The following TRPV3 variants were observed in gnomAD, a reference collection of about 807,000 sequenced individuals.
TRPV3 encodes transient receptor potential cation channel subfamily V member 3.
TRPV3 carries 88 observed loss-of-function variants against 87.1 expected under a neutral mutation model. The observed-to-expected ratio is 1.01, with a 90% CI of 0.85 to 1.21. The LOEUF (loss-of-function observed/expected upper bound fraction) is 1.21. Ranked by LOEUF, TRPV3 falls within the 50% of genes most tolerant of loss-of-function variation. The probability of loss-of-function intolerance (pLI) is 0.00; values close to 1 mark genes in which losing one functional copy is unlikely to be tolerated. For missense variants in TRPV3, 1,054 were observed against 1,030.1 expected (o/e 1.02, Z -0.32); for synonymous variants, 438 against 423.3 (o/e 1.03, Z -0.43).
rs573360881 is a variant in TRPV3, at chr17:3,533,911, C to T, written c.785-974G>A. Among the ~76,000 whole-genome samples the T allele has an allele frequency of 2.0e-5, 3 of 152,272 alleles. No homozygotes were observed. In the East Asian group the frequency reaches 5.8e-4, roughly 29 times the overall value. On this transcript the variant is annotated intron_variant, in intron 7 of 17. Transcript: ENST00000576742. ...GTCTAGAATGTAAGTTCCATGAGGG[C>T]AAGGATCTCTATTTTGTTCACTGAT... is the stretch of plus-strand genomic sequence containing the variant.
rs375004154 is a variant in TRPV3, at chr17:3,542,738, G to A, written c.467-40C>T. The stretch of plus-strand genomic sequence containing the variant: ...ATGGGTGGAGTTACAGGAGGGCCCC[G>A]GCTGCCCTTGGCCCTCCCAGCCCAG... On this transcript the variant is annotated intron_variant, in intron 5 of 17. Transcript: ENST00000576742. 27 of 1,591,986 alleles carry A rather than the reference G, an allele frequency of 1.7e-5. 1 individual carries two copies. The highest frequency in any genetic ancestry group is 5.4e-5 in the African/African-American group (4 of 74,592).
intron 12 of TRPV3, 27 bp downstream of exon 12, chr17:3,526,827 G>A (rs763238603): frequency 1.2e-5 from 19 of 1,594,314 alleles, no homozygotes; most frequent in South Asian, 5.7e-5. Flanking sequence ...CCTGTGAGGC[G>A]ATAACCAAGG....
chr17:3,527,951 A>G (rs2074314401), intron 11 of TRPV3, 74 bp downstream of exon 11: 1 of 1,160,016 alleles, frequency 8.6e-7, no homozygotes, highest in South Asian at 1.2e-5. Flanking sequence ...CAGTAATGGC[A>G]GAGCAGAGAG....
At chr17:3,532,382 CCCCAGCCTAG>C (rs2074356333) in intron 8 of TRPV3, among the ~76,000 whole-genome samples, 1 of 152,246 alleles carries the variant, frequency 6.6e-6, no homozygotes, top group Non-Finnish European at 1.5e-5. Flanking sequence ...CCTCAGGCTC[CCCCAGCCTAG>C]CCCTCCCAGG....
chr17:3,520,275 G>A (rs2074234972), intron 14 of TRPV3, among the ~76,000 whole-genome samples: 1 of 152,162 alleles, frequency 6.6e-6, no homozygotes, highest in Admixed American at 6.5e-5. Context: ...TGTAAATGGA[G>A]AGATTTTAAG....
intron 13 of TRPV3, among the ~76,000 whole-genome samples, chr17:3,522,560 C>A (rs150155392): frequency 2.0e-5 from 3 of 151,528 alleles, no homozygotes; most frequent in East Asian, 1.9e-4. Context: ...GATTCCCCCC[C>A]CCACCCCCCA....
At chr17:3,543,750 C>A (rs2074491839) in intron 4 of TRPV3, 122 bp from the exon 5 acceptor site, 1 of 1,306,524 alleles carries the variant, frequency 7.7e-7, no homozygotes, top group African/African-American at 1.5e-5. Context: ...ATGCCTGTCA[C>A]AATGCCTGCA....
In TRPV3 at chr17:3,542,501, GC is replaced by G. The variant is rs1230947568; in HGVS notation, c.643+20del. 1 of 1,608,294 alleles carries G rather than the reference GC, an allele frequency of 6.2e-7. No homozygotes were observed. Among genetic ancestry groups the G allele is most frequent in the Non-Finnish European group, 8.5e-7 (1 of 1,177,042 alleles). On this transcript the variant is annotated intron_variant, in intron 6 of 17. Coordinates refer to ENST00000576742, the MANE Select transcript of TRPV3 (RefSeq NM_145068.4). ...ACCCTCAGAGACTCCTGTCTGCACA[GC>G]CCCTCTGCAGGCAGGATACCTTCAT...
chr17:3,544,653 G>A lies in TRPV3; in HGVS notation c.237C>T (p.Asn79=), dbSNP rs767860612. ...DSNIRQCISG[N]CDDMDSPQSP... ...ACTGGGGGGAGTCCATGTCATCACA[G>A]TTACCAGAGATGCTGGAGGTGTTGG... The change falls in exon 4 of 18, where the codon AAC becomes AAT. Residue 79 remains asparagine (N), a synonymous_variant. Coordinates refer to ENST00000576742, the MANE Select transcript of TRPV3 (RefSeq NM_145068.4). 5.0e-6 allele frequency: 8 copies of A among 1,609,598 alleles called. No individual in the cohort carries two copies. The South Asian group carries it at 7.7e-5, about 16-fold the overall frequency.
In TRPV3 at chr17:3,514,748, C is replaced by T. The variant is rs58669806; in HGVS notation, c.2199-76G>A. ...CTAACAAATAGCCCTGCGTTTGGGACGTCCTGGTGTCTACACAGCTCCCCT... is the reference window on the plus strand; with the variant it reads ...CTAACAAATAGCCCTGCGTTTGGGATGTCCTGGTGTCTACACAGCTCCCCT... On this transcript the variant is annotated intron_variant, in intron 16 of 17. Coordinates refer to ENST00000576742, the MANE Select transcript of TRPV3 (RefSeq NM_145068.4). 5,287 of 1,166,034 alleles carry T rather than the reference C, an allele frequency of 4.5e-3. 173 individuals carry two copies. In the African/African-American group the frequency reaches 0.068, roughly 15 times the overall value. 72.2% of individuals were successfully genotyped at this position (1,166,034 alleles called of 1,614,324 possible). A position where few individuals can be genotyped will look rare whatever the true frequency, so the allele number is the denominator to read the frequency against.
intron 12 of TRPV3, among the ~76,000 whole-genome samples, chr17:3,526,284 C>G (rs9900424): frequency 0.091 from 13,860 of 152,030 alleles, 1,756 homozygotes; most frequent in African/African-American, 0.28. Context: ...TCAAGACCAG[C>G]CTGACCAACA....
chr17:3,541,307 G>A (rs1037541378), intron 6 of TRPV3, among the ~76,000 whole-genome samples: 1 of 152,212 alleles, frequency 6.6e-6, no homozygotes, highest in African/African-American at 2.4e-5. Flanking sequence ...GGCAGAGGTT[G>A]CAGTGAGCCA....
intron 2 of TRPV3, chr17:3,554,058 C>A (rs150850548): frequency 6.6e-6 from 1 of 152,516 alleles, no homozygotes; most frequent in Non-Finnish European, 1.5e-5. Context: ...GTCTCCTCCA[C>A]GTCCCCAGCG....
chr17:3,515,866 G>A (rs942391032), intron 16 of TRPV3, among the ~76,000 whole-genome samples: 8 of 152,022 alleles, frequency 5.3e-5, no homozygotes, highest in Non-Finnish European at 8.8e-5. Context: ...AGCGAACACA[G>A]AGAGACCATG....
chr17:3,519,648 A>AGATG (rs1389415500), intron 14 of TRPV3, among the ~76,000 whole-genome samples: 5 of 119,040 alleles, frequency 4.2e-5, no homozygotes, highest in Non-Finnish European at 6.8e-5. Flanking sequence ...ATGGATGATT[A>AGATG]GATGGATGGA....
chr17:3,530,791 C>G lies in TRPV3; in HGVS notation c.1066-588G>C, dbSNP rs2074342517. On this transcript the variant is annotated intron_variant, in intron 8 of 17. Coordinates refer to ENST00000576742, the MANE Select transcript of TRPV3 (RefSeq NM_145068.4). The surrounding 1 kb of genome is among the most constrained non-coding windows in gnomAD (Gnocchi z 4.0). The stretch of plus-strand genomic sequence containing the variant: ...CACAGCATGGCCAGGTGCAGTAGCT[C>G]ACGCCTGTAATCCCAGCACTTTGGG... Among the ~76,000 whole-genome samples, 1 of 152,094 alleles carries G rather than the reference C, an allele frequency of 6.6e-6. No individual in the cohort carries two copies. Among genetic ancestry groups the G allele is most frequent in the Non-Finnish European group, 1.5e-5 (1 of 68,020 alleles).
Position 3,511,470 on chromosome 17 carries a change from C to G in TRPV3, c.*2447G>C, listed in dbSNP as rs1408329673. 19 of 152,342 alleles carry G rather than the reference C, an allele frequency of 1.2e-4. No individual in the cohort carries two copies. Among genetic ancestry groups the G allele is most frequent in the Admixed American group, 1.2e-3 (19 of 15,308 alleles). 9.4% of individuals were successfully genotyped at this position (152,342 alleles called of 1,614,324 possible). A position where few individuals can be genotyped will look rare whatever the true frequency, so the allele number is the denominator to read the frequency against. On this transcript the variant is annotated 3_prime_UTR_variant, in exon 18 of 18. Transcript: ENST00000576742. ...GCCCAAGTACACATTCCTCTCGGAGCATTAGCCTCTGGGCGTAAAATGAAG... is the reference window on the plus strand; with the variant it reads ...GCCCAAGTACACATTCCTCTCGGAGGATTAGCCTCTGGGCGTAAAATGAAG...
rs916165643 is a variant in TRPV3, at chr17:3,513,904, C to G, written c.*13G>C. On this transcript the variant is annotated 3_prime_UTR_variant, in exon 18 of 18. Coordinates refer to ENST00000576742, the MANE Select transcript of TRPV3 (RefSeq NM_145068.4). ...CAGACAGCGCACGCGCACACCAGCT[C>G]TGGGTTCCGCTTCTACACCGAGGTT... is the stretch of plus-strand genomic sequence containing the variant. The G allele has an allele frequency of 6.2e-6, 10 of 1,612,062 alleles. No homozygotes were observed. The highest frequency in any genetic ancestry group is 3.4e-6 in the Non-Finnish European group (4 of 1,178,258).
Position 3,530,918 on chromosome 17 carries a change from T to C in TRPV3, c.1066-715A>G, listed in dbSNP as rs961885842. 2.0e-5 allele frequency among the ~76,000 whole-genome samples: 3 copies of C among 151,854 alleles called. No individual in the cohort carries two copies. The highest frequency in any genetic ancestry group is 2.9e-5 in the Non-Finnish European group (2 of 67,980). ...TAAAAATACAAAAATTAGCTGGGTG[T>C]GGTGGCAGGCGCCTGTAACCCCAGC... On this transcript the variant is annotated intron_variant, in intron 8 of 17. Coordinates refer to ENST00000576742, the MANE Select transcript of TRPV3 (RefSeq NM_145068.4). This position sits in a 1 kb window ranked among gnomAD's most constrained non-coding sequence, Gnocchi z 4.0.
Sources: gnomAD v4.1 joint callset for allele counts (sites outside exome capture counted in the v4.1 genomes callset) on GRCh38, gnomAD v4.1.1 for gene constraint, Gnocchi (gnomAD v3.1) non-coding constraint, MANE v1.5 for transcripts, NCBI Gene and HGNC (gene_info 2026-07-23, HGNC 2026-07-21) for gene names.